ILKAP: variants seen among roughly 807,000 people sequenced by gnomAD.
ILKAP encodes the protein integrin-linked kinase-associated serine/threonine phosphatase 2C.
Under a neutral mutation model 49.1 loss-of-function variants are expected in ILKAP, and 11 were observed. That is an observed-to-expected ratio of 0.22 (90% confidence interval 0.14 to 0.37). The LOEUF (loss-of-function observed/expected upper bound fraction) is 0.37, where lower values mean the gene tolerates loss of function less well. Among genes scored for constraint, ILKAP ranks in the 10% least tolerant of loss-of-function variants. The probability of loss-of-function intolerance (pLI) is 1.00; values close to 1 mark genes in which losing one functional copy is unlikely to be tolerated. For synonymous variants in ILKAP, 186 were observed against 192.8 expected, an observed-to-expected ratio of 0.96 and a Z score of 0.29; for missense variants, 363 against 510.8, an observed-to-expected ratio of 0.71 and a Z score of 2.79.
intron 1 of ILKAP, among the ~76,000 whole-genome samples, chr2:238,195,743 T>C (rs986118753): frequency 6.6e-6 from 1 of 152,050 alleles, no homozygotes; most frequent in Non-Finnish European, 1.5e-5. Context: ...AGTTCAAGTA[T>C]AAAAACGTGC....
intron 3 of ILKAP, among the ~76,000 whole-genome samples, chr2:238,193,742 C>CT (rs1239657504): frequency 6.6e-6 from 1 of 152,194 alleles, no homozygotes; most frequent in Non-Finnish European, 1.5e-5. Flanking sequence ...CCCACACCAT[C>CT]TATCTCCCAA....
chr2:238,180,381 A>G lies in ILKAP; in HGVS notation c.836+1684T>C, dbSNP rs565820236. 2.0e-4 allele frequency among the ~76,000 whole-genome samples: 31 copies of G among 152,368 alleles called. No individual in the cohort carries two copies. In the East Asian group the frequency reaches 5.8e-3, roughly 28 times the overall value. On this transcript the variant is annotated intron_variant, in intron 9 of 11. Coordinates refer to ENST00000254654, the MANE Select transcript of ILKAP (RefSeq NM_030768.3). The stretch of plus-strand genomic sequence containing the variant: ...CACTAATTATGTCAAGAACGTCCTT[A>G]TCTTCAGGAGATGCATGCTTAAGTA...
intron 10 of ILKAP, among the ~76,000 whole-genome samples, chr2:238,172,226 A>G (rs956422918): frequency 1.3e-5 from 2 of 151,566 alleles, no homozygotes; most frequent in African/African-American, 2.4e-5. Flanking sequence ...TAATTTTTGT[A>G]TTTTTGGTAG....
intron 1 of ILKAP, among the ~76,000 whole-genome samples, chr2:238,202,731 C>A (rs1694621079): frequency 6.6e-6 from 1 of 152,132 alleles, no homozygotes; most frequent in South Asian, 2.1e-4. Flanking sequence ...GAGACTGTAA[C>A]CCACAGGACG....
Position 238,203,661 on chromosome 2 carries a change from G to C in ILKAP, c.-108C>G, listed in dbSNP as rs1694676221. 6 of 552,832 alleles carry C rather than the reference G, an allele frequency of 1.1e-5. No homozygotes were observed. Among genetic ancestry groups the C allele is most frequent in the Non-Finnish European group, 1.2e-5 (5 of 404,078 alleles). The allele number at this position is 552,832 out of a possible 1,614,324, so 34.2% of individuals were successfully genotyped here. A position where few individuals can be genotyped will look rare whatever the true frequency, so the allele number is the denominator to read the frequency against. On this transcript the variant is annotated 5_prime_UTR_variant, in exon 1 of 12. Transcript: ENST00000254654. ...CAGCAGCGGGCGGGCGACGGGCAGG[G>C]GCGGCCGGCGCCGTCAGTCACCTGC...
chr2:238,194,445 C>T (rs1694265546), intron 2 of ILKAP, 114 bp from the exon 3 acceptor site: 16 of 933,120 alleles, frequency 1.7e-5, no homozygotes, highest in African/African-American at 3.3e-5. Context: ...CAAAACTTTG[C>T]GTCAATCCAG....
chr2:238,187,506 T>C (rs1316804647), intron 5 of ILKAP, among the ~76,000 whole-genome samples: 2 of 152,218 alleles, frequency 1.3e-5, no homozygotes, highest in Non-Finnish European at 2.9e-5. Context: ...ACCTTCTGGT[T>C]TTTTTCCAGG....
At chr2:238,171,644 C>T (rs990845886) in intron 10 of ILKAP, among the ~76,000 whole-genome samples, 4 of 152,224 alleles carry the variant, frequency 2.6e-5, no homozygotes, top group African/African-American at 7.2e-5. Flanking sequence ...AGAAAAATCA[C>T]TGAATAAAAA....
chr2:238,183,927 A>C, intron 7 of ILKAP, 93 bp downstream of exon 7: 3 of 989,684 alleles, frequency 3.0e-6, no homozygotes, highest in Non-Finnish European at 4.8e-6. Flanking sequence ...TCAGACAGTG[A>C]GCAATAGTGT....
chr2:238,191,712 A>T (rs1393928421), intron 3 of ILKAP, among the ~76,000 whole-genome samples: 3 of 151,920 alleles, frequency 2.0e-5, no homozygotes, highest in Non-Finnish European at 4.4e-5. Flanking sequence ...GGTCAAGACA[A>T]GCCTGACCAA....
chr2:238,171,295 G>A (rs1693209702), intron 10 of ILKAP, among the ~76,000 whole-genome samples: 1 of 151,918 alleles, frequency 6.6e-6, no homozygotes, highest in African/African-American at 2.4e-5. Flanking sequence ...GAGTAGCTGG[G>A]ATTACAGGTG....
chr2:238,190,956 T>C (rs1387284302), intron 3 of ILKAP, among the ~76,000 whole-genome samples: 1 of 151,524 alleles, frequency 6.6e-6, no homozygotes, highest in Non-Finnish European at 1.5e-5. Flanking sequence ...CAGACATTTC[T>C]TCTTCTTTTT....
chr2:238,179,959 G>T (rs1693619160), intron 9 of ILKAP, among the ~76,000 whole-genome samples: 1 of 152,064 alleles, frequency 6.6e-6, no homozygotes, highest in East Asian at 1.9e-4. Flanking sequence ...CAAGGCAGAA[G>T]GATCACTTAG....
At position 238,177,407 on chromosome 2, in the gene ILKAP, A is replaced by G. The variant is rs138981761; in HGVS notation, c.837-3754T>C. 6.6e-4 allele frequency among the ~76,000 whole-genome samples: 101 copies of G among 152,246 alleles called. 2 individuals carry two copies. In the East Asian group the frequency reaches 0.015, roughly 23 times the overall value. On this transcript the variant is annotated intron_variant, in intron 9 of 11. Coordinates refer to ENST00000254654, the MANE Select transcript of ILKAP (RefSeq NM_030768.3). ...ATATTCACACTGTTGTGTTATCAGC[A>G]CCACCATCCATCCCCAGGACTTTTT...
At chr2:238,176,379 C>T (rs1696894322) in intron 9 of ILKAP, among the ~76,000 whole-genome samples, 2 of 152,270 alleles carry the variant, frequency 1.3e-5, no homozygotes. Context: ...GATCCACCCG[C>T]CTTGGCCCCC....
chr2:238,184,831 G>A (rs78309763), intron 6 of ILKAP, among the ~76,000 whole-genome samples: 20,934 of 151,918 alleles, frequency 0.14, 1,725 homozygotes, highest in Middle Eastern at 0.22. Flanking sequence ...CCAAAGTGCT[G>A]TGTGAGCCAC....
At position 238,203,630 on chromosome 2, in the gene ILKAP, G is replaced by A. The variant is rs1694672913; in HGVS notation, c.-77C>T. Reference sequence around the variant, plus strand: ...AGCGGCCGGGCTCCACACCCCGGGCGGGCGGCAGCAGCGGGCGGGCGACGG... The same window carrying A: ...AGCGGCCGGGCTCCACACCCCGGGCAGGCGGCAGCAGCGGGCGGGCGACGG... On this transcript the variant is annotated 5_prime_UTR_variant, in exon 1 of 12. Coordinates refer to ENST00000254654, the MANE Select transcript of ILKAP (RefSeq NM_030768.3). The A allele has an allele frequency of 3.2e-6, 3 of 939,768 alleles. No individual in the cohort carries two copies. The highest frequency in any genetic ancestry group is 4.0e-6 in the Non-Finnish European group (3 of 750,792). 58.2% of individuals were successfully genotyped at this position (939,768 alleles called of 1,614,324 possible).
At position 238,170,437 on chromosome 2, in the gene ILKAP, TG is replaced by T; in HGVS notation, c.*98del. 1 of 1,289,854 alleles carries T rather than the reference TG, an allele frequency of 7.8e-7. No homozygotes were observed. The highest frequency in any genetic ancestry group is 1.1e-6 in the Non-Finnish European group (1 of 940,032). 79.9% of individuals were successfully genotyped at this position (1,289,854 alleles called of 1,614,324 possible). ...AAAGAGAAACCTTTATTTACAACCA[TG>T]GGAGTCCCACAGGAGTACACAAAAC... On this transcript the variant is annotated 3_prime_UTR_variant, in exon 12 of 12. Coordinates refer to ENST00000254654, the MANE Select transcript of ILKAP (RefSeq NM_030768.3).
rs370877935 is a variant in ILKAP, at chr2:238,190,007, C to T, written c.179-35G>A. The T allele has an allele frequency of 2.5e-6, 4 of 1,606,778 alleles. No homozygotes were observed. The African/African-American group carries it at 5.4e-5, about 22-fold the overall frequency. On this transcript the variant is annotated intron_variant, in intron 3 of 11. Transcript: ENST00000254654. ...AAGTAAAAGCCAGACAGAAACACAG[C>T]TGTAGACTGTTGGAAAAAGTCACTA...
Sources: allele counts gnomAD v4.1 joint callset (sites outside exome capture counted in the v4.1 genomes callset), GRCh38; gene constraint gnomAD v4.1.1; transcripts MANE v1.5; gene names NCBI Gene and HGNC (gene_info 2026-07-23, HGNC 2026-07-21).